MAGI2: variants seen among roughly 807,000 people sequenced by gnomAD.
MAGI2 encodes membrane associated guanylate kinase, WW and PDZ domain containing 2.
In MAGI2, 35 loss-of-function variants were observed where a neutral mutation model predicts 133.3. The observed-to-expected ratio is 0.26, with a 90% CI of 0.20 to 0.35. The LOEUF is 0.35. Among genes scored for constraint, MAGI2 ranks in the 10% least tolerant of loss-of-function variants. The probability of loss-of-function intolerance (pLI) is 1.00; values close to 1 mark genes in which losing one functional copy is unlikely to be tolerated. For synonymous variants in MAGI2, 729 were observed against 710.6 expected (o/e 1.03, Z -0.41); for missense variants, 1,636 against 1,863.4 (o/e 0.88, Z 2.25).
rs115888698 is a variant in MAGI2, at chr7:78,194,113, G to C, written c.2269+761C>G. Among the ~76,000 whole-genome samples the C allele has an allele frequency of 8.5e-3, 1,287 of 152,278 alleles. 25 individuals carry two copies. Among genetic ancestry groups the C allele is most frequent in the African/African-American group, 0.028 (1,171 of 41,552 alleles). ...AGGGACCAAACTCTTCTACGAGGCT[G>C]GGTTTCCTGATCATTTAATACACAG... On this transcript the variant is annotated intron_variant, in intron 12 of 21. Coordinates refer to ENST00000354212, the MANE Select transcript of MAGI2 (RefSeq NM_012301.4).
At chr7:78,134,014 T>G (rs1821838296) in intron 17 of MAGI2, 1 of 152,252 alleles carries the variant, frequency 6.6e-6, no homozygotes, top group African/African-American at 2.4e-5. Flanking sequence ...GGGGTAATTC[T>G]TTCCTGTGGA....
At chr7:78,977,413 CAG>C (rs139814304) in intron 2 of MAGI2, among the ~76,000 whole-genome samples, 109 of 144,150 alleles carry the variant, frequency 7.6e-4, no homozygotes, top group Non-Finnish European at 5.8e-4. Flanking sequence ...AAGAGAGCGA[CAG>C]AGAGAGAGAG....
chr7:78,243,249 ACACACACACACACACACACACTCTCTCT>A (rs1471404994), intron 10 of MAGI2, among the ~76,000 whole-genome samples: 7 of 40,074 alleles, frequency 1.7e-4, no homozygotes, highest in African/African-American at 4.3e-4. Context: ...ACACACACAC[ACACACACACACACACACACACTCTCTCT>A]CTCTCTCTCT....
chr7:78,784,577 G>GTGC (rs1485033389), intron 2 of MAGI2, among the ~76,000 whole-genome samples: 1 of 152,086 alleles, frequency 6.6e-6, no homozygotes, highest in East Asian at 1.9e-4. Flanking sequence ...ATTCCGAAGG[G>GTGC]TGCTGCCCTA....
At chr7:78,790,861 C>T (rs1827190792) in intron 2 of MAGI2, among the ~76,000 whole-genome samples, 2 of 152,302 alleles carry the variant, frequency 1.3e-5, no homozygotes, top group South Asian at 4.1e-4. Flanking sequence ...AATTATGATG[C>T]ATACTCACAG....
intron 2 of MAGI2, among the ~76,000 whole-genome samples, chr7:78,651,674 A>G (rs1584968624): frequency 6.6e-6 from 1 of 152,288 alleles, no homozygotes; most frequent in South Asian, 2.1e-4. Flanking sequence ...ATTGAACTTA[A>G]TTAGAATAAA....
Position 79,450,811 on chromosome 7 carries a change from C to G in MAGI2, c.301+2209G>C, listed in dbSNP as rs574389825. Among the ~76,000 whole-genome samples the G allele has an allele frequency of 4.7e-4, 71 of 152,186 alleles. 3 individuals are homozygous for G. Among genetic ancestry groups the G allele is most frequent in the African/African-American group, 1.7e-3 (70 of 41,532 alleles). ...GTCATTTCAGCCTCTTCATGGATAC[C>G]CACAATGATGGGAACTTCAGCCAAC... On this transcript the variant is annotated intron_variant, in intron 1 of 21. Coordinates refer to ENST00000354212, the MANE Select transcript of MAGI2 (RefSeq NM_012301.4).
intron 2 of MAGI2, among the ~76,000 whole-genome samples, chr7:78,748,127 T>C (rs923276135): frequency 1.3e-5 from 2 of 150,090 alleles, no homozygotes; most frequent in Non-Finnish European, 2.9e-5. Context: ...CCAGGTTTGA[T>C]TACTTTGAAA....
At chr7:79,216,502 A>G (rs1246812264) in intron 1 of MAGI2, among the ~76,000 whole-genome samples, 1 of 152,008 alleles carries the variant, frequency 6.6e-6, no homozygotes, top group Non-Finnish European at 1.5e-5. Context: ...AAGCTAAAAG[A>G]GTGCACTGTA....
chr7:78,427,259 A>C (rs1265686649), intron 6 of MAGI2, among the ~76,000 whole-genome samples: 1 of 152,178 alleles, frequency 6.6e-6, no homozygotes, highest in Non-Finnish European at 1.5e-5. Flanking sequence ...ATTATATTAA[A>C]TGAAAATGGA....
rs1563078531 is a variant in MAGI2 at position 78,069,511 on chromosome 7, G to GAGAGAGAGAGATTGAA, written c.3706+9420_3706+9435dup. Among the ~76,000 whole-genome samples the GAGAGAGAGAGATTGAA allele has an allele frequency of 2.6e-4, 37 of 140,708 alleles. 1 individual carries two copies. The South Asian group carries it at 8.8e-3, about 33-fold the overall frequency. The allele number at this position is 140,708 out of a possible 152,430, so 92.3% of individuals were successfully genotyped here. ...TGTATGTGTGTATGTGTGTGTGTGA[G>GAGAGAGAGAGATTGAA]AGAGAGAGAGATTGAAAGAAAGAGA... On this transcript the variant is annotated intron_variant, in intron 21 of 21. Transcript: ENST00000354212.
chr7:78,842,240 A>C (rs1792208957), intron 2 of MAGI2, among the ~76,000 whole-genome samples: 2 of 152,032 alleles, frequency 1.3e-5, no homozygotes, highest in South Asian at 4.1e-4. Context: ...AACCTCCTGT[A>C]AGGAGAGATG....
At chr7:78,989,196 T>TTTA (rs1805532552) in intron 2 of MAGI2, among the ~76,000 whole-genome samples, 1 of 152,056 alleles carries the variant, frequency 6.6e-6, no homozygotes, top group Admixed American at 6.6e-5. Context: ...GCTACTCTCA[T>TTTA]CTTTCCTGTA....
At chr7:78,566,007 T>G (rs1800904653) in intron 3 of MAGI2, among the ~76,000 whole-genome samples, 1 of 152,204 alleles carries the variant, frequency 6.6e-6, no homozygotes, top group Admixed American at 6.5e-5. Flanking sequence ...GAGAACAGTG[T>G]GTAAAGATAA....
chr7:79,196,550 CT>C (rs1242422508), intron 1 of MAGI2, among the ~76,000 whole-genome samples: 3 of 151,964 alleles, frequency 2.0e-5, no homozygotes, highest in Admixed American at 2.0e-4. Flanking sequence ...ATGATTCCTA[CT>C]TCCCCCTATC....
intron 4 of MAGI2, among the ~76,000 whole-genome samples, chr7:78,520,667 A>G (rs1373262337): frequency 6.6e-6 from 1 of 152,180 alleles, no homozygotes; most frequent in African/African-American, 2.4e-5. Flanking sequence ...ATATTTAATT[A>G]TGAATAATTT....
At chr7:79,072,750 C>T (rs551628811) in intron 1 of MAGI2, among the ~76,000 whole-genome samples, 25 of 152,256 alleles carry the variant, frequency 1.6e-4, no homozygotes, top group East Asian at 3.9e-4. Context: ...ATGAAATATT[C>T]GGCATAGCAG....
At chr7:78,060,849 A>G in intron 21 of MAGI2, among the ~76,000 whole-genome samples, 1 of 152,262 alleles carries the variant, frequency 6.6e-6, no homozygotes, top group African/African-American at 2.4e-5. Flanking sequence ...ATGGGGCCAA[A>G]TCACGGATGG....
chr7:79,155,187 A>G (rs1225280419), intron 1 of MAGI2, among the ~76,000 whole-genome samples: 2 of 152,160 alleles, frequency 1.3e-5, no homozygotes, highest in Non-Finnish European at 2.9e-5. Context: ...GCTTTGTTCT[A>G]TGCTTTGCTT....
Sources: allele counts gnomAD v4.1 joint callset (sites outside exome capture counted in the v4.1 genomes callset), GRCh38; gene constraint gnomAD v4.1.1; transcripts MANE v1.5; gene names NCBI Gene and HGNC (gene_info 2026-07-23, HGNC 2026-07-21).